NFRKB: variants seen among roughly 807,000 people sequenced by gnomAD.
NFRKB encodes the protein nuclear factor related to kappaB binding protein.
Under a neutral mutation model 135.7 loss-of-function variants are expected in NFRKB, and 62 were observed. The observed-to-expected ratio is 0.46, with a 90% CI of 0.37 to 0.56. The LOEUF (loss-of-function observed/expected upper bound fraction) is 0.56, where lower values mean the gene tolerates loss of function less well. NFRKB is among the 20% of genes least tolerant of loss of function. The probability of loss-of-function intolerance (pLI) is 0.00; values close to 1 mark genes in which losing one functional copy is unlikely to be tolerated. For synonymous variants in NFRKB, 678 were observed against 635.6 expected (o/e 1.07, Z -1.00); for missense variants, 1,545 against 1,662.0 (o/e 0.93, Z 1.22).
At chr11:129,871,309 G>C (rs1565394411) in intron 23 of NFRKB, among the ~76,000 whole-genome samples, 1 of 152,048 alleles carries the variant, frequency 6.6e-6, no homozygotes, top group East Asian at 1.9e-4. Context: ...CACGAGTACA[G>C]AGGCCAATCA....
At position 129,864,785 on chromosome 11, in the gene NFRKB, T is replaced by G; in HGVS notation, c.3840A>C (p.Ala1280=). 1 of 1,614,240 alleles carries G rather than the reference T, an allele frequency of 6.2e-7. No individual in the cohort carries two copies. The highest frequency in any genetic ancestry group is 2.2e-5 in the East Asian group (1 of 44,886). The change falls in exon 27 of 27, where the codon GCA becomes GCC. Residue 1280 remains alanine, a synonymous_variant. Coordinates refer to ENST00000682444, the MANE Select transcript of NFRKB (RefSeq NM_001143835.2). The part of the protein sequence containing the change: ...QQGTASGSSK[A]VSTVVVTTAP... ...CTGTAGTCACAACAACAGTGGAGAC[T>G]GCTTTGGAGGAGCCAGAAGCTGTTC...
At chr11:129,881,387 A>C (rs1192534720) in intron 13 of NFRKB, 56 bp downstream of exon 13, 76 of 1,546,454 alleles carry the variant, frequency 4.9e-5, no homozygotes, top group Non-Finnish European at 6.7e-5. Context: ...AAATAAACTT[A>C]GGGGAAGAAA....
At chr11:129,878,940 A>AT (rs1948900906) in intron 13 of NFRKB, among the ~76,000 whole-genome samples, 1 of 152,216 alleles carries the variant, frequency 6.6e-6, no homozygotes, top group African/African-American at 2.4e-5. Flanking sequence ...TAATTATTCT[A>AT]TTTTTGTAGG....
Position 129,874,753 on chromosome 11 carries a change from TC to T in NFRKB, c.1978+39del. ...AATTGGGGTAGAAAGTCAGAACGTATCCCCAGTCTGGTCGGACAGTGCCCAG... is the reference window on the plus strand; with the variant it reads ...AATTGGGGTAGAAAGTCAGAACGTATCCCAGTCTGGTCGGACAGTGCCCAG... On this transcript the variant is annotated intron_variant, in intron 19 of 26. Transcript: ENST00000682444. This position sits in a 1 kb window ranked among gnomAD's most constrained non-coding sequence, Gnocchi z 4.5. The T allele has an allele frequency of 6.2e-7, 1 of 1,613,998 alleles. No homozygotes were observed. Among genetic ancestry groups the T allele is most frequent in the Non-Finnish European group, 8.5e-7 (1 of 1,179,918 alleles).
intron 24 of NFRKB, among the ~76,000 whole-genome samples, chr11:129,869,007 T>C (rs1347708176): frequency 1.3e-5 from 2 of 151,960 alleles, no homozygotes; most frequent in Non-Finnish European, 2.9e-5. Flanking sequence ...GCAACAAGAG[T>C]GAGACTCCAT....
At chr11:129,887,945 G>A (rs1591529360) in intron 4 of NFRKB, among the ~76,000 whole-genome samples, 1 of 152,244 alleles carries the variant, frequency 6.6e-6, no homozygotes, top group Non-Finnish European at 1.5e-5. Flanking sequence ...GCTGAGGCAG[G>A]AGAATGGCGT....
Position 129,874,179 on chromosome 11 carries a change from G to A in NFRKB, c.2213C>T (p.Pro738Leu). The A allele has an allele frequency of 6.6e-7, 1 of 1,521,954 alleles. No homozygotes were observed. Among genetic ancestry groups the A allele is most frequent in the African/African-American group, 1.4e-5 (1 of 71,926 alleles). The allele number at this position is 1,521,954 out of a possible 1,614,324, so 94.3% of individuals were successfully genotyped here. Reference sequence around the variant, plus strand: ...GCTTTTGTTCACTGCCGATACAGGTGGAGGGGAGATGGGAATGGCGGGCAA... The same window carrying A: ...GCTTTTGTTCACTGCCGATACAGGTAGAGGGGAGATGGGAATGGCGGGCAA... ...PALPAIPISP[P>L]PVSAVNKSGP... The change falls in exon 21 of 27, where the codon CCA becomes CTA. Residue 738 changes from proline (P) to leucine (L), a missense_variant. Physicochemically the swap from Pro to Leu is moderately conservative, Grantham distance 98 (BLOSUM62 -3). This residue lies in a region of NFRKB where 753 missense variants were observed against 804.3 expected (regional missense o/e 0.94). Coordinates refer to ENST00000682444, the MANE Select transcript of NFRKB (RefSeq NM_001143835.2). This position sits in a 1 kb window ranked among gnomAD's most constrained non-coding sequence, Gnocchi z 4.5.
chr11:129,890,851 G>A (rs1366608042), intron 3 of NFRKB, among the ~76,000 whole-genome samples: 4 of 152,176 alleles, frequency 2.6e-5, no homozygotes, highest in African/African-American at 9.7e-5. Flanking sequence ...GAAAATACGT[G>A]TAGGTTTTGT....
intron 22 of NFRKB, among the ~76,000 whole-genome samples, chr11:129,873,442 A>G (rs1331324472): frequency 6.6e-6 from 1 of 152,230 alleles, no homozygotes; most frequent in East Asian, 1.9e-4. Flanking sequence ...GGCACAGCAG[A>G]AGGAGCCTGA....
rs1948101071 is a variant in NFRKB, at chr11:129,864,605, T to A, written c.*120A>T. 3 of 1,418,054 alleles carry A rather than the reference T, an allele frequency of 2.1e-6. No homozygotes were observed. The highest frequency in any genetic ancestry group is 1.9e-6 in the Non-Finnish European group (2 of 1,038,184). 87.8% of individuals were successfully genotyped at this position (1,418,054 alleles called of 1,614,324 possible). On this transcript the variant is annotated 3_prime_UTR_variant, in exon 27 of 27. Coordinates refer to ENST00000682444, the MANE Select transcript of NFRKB (RefSeq NM_001143835.2). ...CCACGAATCCAGGCCACCGTTGCCATCACCCCTCGCCTGGCTGCCTTGAAC... is the reference window on the plus strand; with the variant it reads ...CCACGAATCCAGGCCACCGTTGCCAACACCCCTCGCCTGGCTGCCTTGAAC...
chr11:129,881,753 A>G lies in NFRKB; in HGVS notation c.1292T>C (p.Leu431Pro). 6.2e-7 allele frequency: 1 copy of G among 1,614,212 alleles called. No homozygotes were observed. The highest frequency in any genetic ancestry group is 8.5e-7 in the Non-Finnish European group (1 of 1,180,026). ...PNWAELVLPALQYLAGESRAV... is the reference protein window; with the variant it reads ...PNWAELVLPAPQYLAGESRAV... ...TCGACTTTCTCCAGCAAGATACTGC[A>G]GGGCTGGTAGTACCAACTCAGCCCA... The change falls in exon 12 of 27, where the codon CTG (leucine) becomes CCG (proline). Residue 431 changes from leucine (L) to proline (P), a missense_variant. By Grantham distance (98) the Leu-to-Pro change is moderately conservative. Around this residue, in one of 3 missense-constraint regions of NFRKB, gnomAD observed 678 missense variants for 646.7 expected, o/e 1.05. Transcript: ENST00000682444.
rs776074743 is a variant in NFRKB at position 129,874,595 on chromosome 11, G to C, written c.1979-15C>G. 3 of 1,613,410 alleles carry C rather than the reference G, an allele frequency of 1.9e-6. No individual in the cohort carries two copies. Among genetic ancestry groups the C allele is most frequent in the East Asian group, 4.5e-5 (2 of 44,878 alleles). On this transcript the variant is annotated splice_polypyrimidine_tract_variant and intron_variant, in intron 19 of 26. Coordinates refer to ENST00000682444, the MANE Select transcript of NFRKB (RefSeq NM_001143835.2). The surrounding 1 kb of genome is among the most constrained non-coding windows in gnomAD (Gnocchi z 4.5). The stretch of plus-strand genomic sequence containing the variant: ...GTGAATCCGCTCTGTGAACAAGAGG[G>C]GCAAGCTTCAGCCAGAGTTTAACCT...
At chr11:129,888,846 T>C (rs769004485) in intron 3 of NFRKB, 51 bp from the exon 4 acceptor site, 33 of 1,398,268 alleles carry the variant, frequency 2.4e-5, no homozygotes, top group Middle Eastern at 1.9e-4. Context: ...TTTGAGTTTT[T>C]TGTATGTATG....
At chr11:129,892,031 A>G (rs192857325) in intron 3 of NFRKB, among the ~76,000 whole-genome samples, 9 of 149,966 alleles carry the variant, frequency 6.0e-5, no homozygotes, top group Admixed American at 1.3e-4. Context: ...TTTGTTTTCC[A>G]TAATTTCTTC....
intron 15 of NFRKB, 37 bp downstream of exon 15, chr11:129,878,272 C>G (rs1312418915): frequency 6.2e-7 from 1 of 1,607,150 alleles, no homozygotes; most frequent in South Asian, 1.1e-5. Flanking sequence ...ACTACAGTTT[C>G]CCAGGACACC....
In NFRKB at chr11:129,869,536, C is replaced by T. The variant is rs759307473; in HGVS notation, c.3489G>A (p.Arg1163=). The part of the protein sequence containing the change: ...ISISTGAPTV[R]QVPVSTTVVS... Reference sequence around the variant, plus strand: ...CAACCGTGGTGCTGACAGGGACCTGCCGCACGGTGGGGGCTCCTGTGCTGA... The same window carrying T: ...CAACCGTGGTGCTGACAGGGACCTGTCGCACGGTGGGGGCTCCTGTGCTGA... The change falls in exon 24 of 27, where the codon CGG becomes CGA. Residue 1163 remains arginine, a synonymous_variant. Transcript: ENST00000682444. 9 of 1,613,460 alleles carry T rather than the reference C, an allele frequency of 5.6e-6. No homozygotes were observed. In the Admixed American group the frequency reaches 1.3e-4, roughly 24 times the overall value.
At position 129,878,362 on chromosome 11, in the gene NFRKB, A is replaced by G. The variant is rs1368862216; in HGVS notation, c.1465-7T>C. Reference sequence around the variant, plus strand: ...AGCTGTCTTCATTTTCTTGCTGGAGAAAAAGAAAACGTTGACAGGTAAATG... The same window carrying G: ...AGCTGTCTTCATTTTCTTGCTGGAGGAAAAGAAAACGTTGACAGGTAAATG... On this transcript the variant is annotated splice_polypyrimidine_tract_variant and splice_region_variant and intron_variant, in intron 14 of 26. Coordinates refer to ENST00000682444, the MANE Select transcript of NFRKB (RefSeq NM_001143835.2). 4 of 1,614,220 alleles carry G rather than the reference A, an allele frequency of 2.5e-6. No individual in the cohort carries two copies. Among genetic ancestry groups the G allele is most frequent in the Middle Eastern group, 1.6e-4 (1 of 6,062 alleles).
chr11:129,873,177 C>T (rs1188326592), intron 22 of NFRKB, 81 bp from the exon 23 acceptor site: 5 of 1,261,374 alleles, frequency 4.0e-6, no homozygotes, highest in South Asian at 3.1e-5. Context: ...TCCCTCAGCA[C>T]CCCGGAAGCA....
chr11:129,872,650 G>T, intron 23 of NFRKB: 1 of 411,806 alleles, frequency 2.4e-6, no homozygotes, highest in East Asian at 3.9e-5. Context: ...CCAGAAACTC[G>T]ACTACTGAAT....
Sources: gnomAD v4.1 joint callset for allele counts (sites outside exome capture counted in the v4.1 genomes callset) on GRCh38, gnomAD v4.1.1 for gene constraint, gnomAD v4.1.1 regional missense constraint, Gnocchi (gnomAD v3.1) non-coding constraint, MANE v1.5 for transcripts, NCBI Gene and HGNC (gene_info 2026-07-23, HGNC 2026-07-21) for gene names.